Variants in ZNF227 observed in about 807,000 individuals in gnomAD.
ZNF227 encodes the protein zinc finger protein 227.
ZNF227 carries 12 observed loss-of-function variants against 13.2 expected under a neutral mutation model. The ratio of observed to expected loss-of-function variants is 0.91; its 90% CI spans 0.58 to 1.47. The LOEUF (loss-of-function observed/expected upper bound fraction) is 1.47, where lower values mean the gene tolerates loss of function less well. Ranked by LOEUF, ZNF227 falls within the 40% of genes most tolerant of loss-of-function variation. The pLI is 0.00. For missense variants in ZNF227, 885 were observed against 967.5 expected, an observed-to-expected ratio of 0.91 and a Z score of 1.13; for synonymous variants, 338 against 326.0, an observed-to-expected ratio of 1.04 and a Z score of -0.40.
chr19:44,234,094 T>A (rs1428811450), intron 5 of ZNF227, among the ~76,000 whole-genome samples: 5 of 152,174 alleles, frequency 3.3e-5, no homozygotes, highest in African/African-American at 9.7e-5. Context: ...TGTGTTGGCT[T>A]TGAGAGTTTG....
chr19:44,220,786 C>G (rs909112688), intron 3 of ZNF227, among the ~76,000 whole-genome samples: 1 of 152,154 alleles, frequency 6.6e-6, no homozygotes, highest in African/African-American at 2.4e-5. Flanking sequence ...TTAGGTATAT[C>G]TGCTAATGCT....
chr19:44,214,231 A>C (rs997184155), intron 2 of ZNF227, among the ~76,000 whole-genome samples: 8 of 152,164 alleles, frequency 5.3e-5, no homozygotes, highest in Non-Finnish European at 1.2e-4. Flanking sequence ...CAGTGATGTT[A>C]TATTCAGAAA....
At chr19:44,223,730 A>G (rs111290224) in intron 3 of ZNF227, among the ~76,000 whole-genome samples, 1 of 151,712 alleles carries the variant, frequency 6.6e-6, no homozygotes, top group Non-Finnish European at 1.5e-5. Context: ...TGGATTCATT[A>G]ATTTTTTGAA....
chr19:44,221,417 G>C (rs1348218547), intron 3 of ZNF227, among the ~76,000 whole-genome samples: 1 of 152,176 alleles, frequency 6.6e-6, no homozygotes, highest in Non-Finnish European at 1.5e-5. Context: ...ATCCTCTCCA[G>C]CACCTGTTGT....
intron 4 of ZNF227, chr19:44,229,006 T>C (rs2122864441): frequency 5.2e-6 from 1 of 193,208 alleles, no homozygotes; most frequent in East Asian, 1.3e-4. Flanking sequence ...GCTTCTATGC[T>C]TTATCTTTCA....
intron 3 of ZNF227, among the ~76,000 whole-genome samples, chr19:44,226,486 C>A (rs1340348150): frequency 6.6e-6 from 1 of 152,218 alleles, no homozygotes; most frequent in South Asian, 2.1e-4. Flanking sequence ...TGGCAGGCGC[C>A]CTCCCCCAGC....
chr19:44,235,591 G>A lies in ZNF227; in HGVS notation c.1161G>A (p.Lys387=), dbSNP rs774544340. Residue 387 remains lysine (K), a synonymous_variant, in exon 6 of 6, where the codon AAG becomes AAA. Coordinates refer to ENST00000313040, the MANE Select transcript of ZNF227 (RefSeq NM_182490.3). The stretch of plus-strand genomic sequence containing the variant: ...CATACAAATGCGAAGAGTGTGGTAA[G>A]GGCTTCGGTTGGAGTGTTAATCTCC... ...EKPYKCEECG[K]GFGWSVNLRV... 3.1e-6 allele frequency: 5 copies of A among 1,614,182 alleles called. No individual in the cohort carries two copies. The South Asian group carries it at 5.5e-5, about 18-fold the overall frequency.
chr19:44,210,621 G>C (rs1042022029), upstream of ZNF227, among the ~76,000 whole-genome samples: 41 of 152,200 alleles, frequency 2.7e-4, no homozygotes, highest in African/African-American at 9.9e-4. Context: ...GGTTATGACA[G>C]AAGGAACACC....
chr19:44,214,813 G>A (rs375679060), intron 2 of ZNF227, among the ~76,000 whole-genome samples: 11 of 148,662 alleles, frequency 7.4e-5, no homozygotes, highest in African/African-American at 2.7e-4. Flanking sequence ...TTAAATTAGA[G>A]TGTCTTAAAG....
intron 2 of ZNF227, among the ~76,000 whole-genome samples, chr19:44,215,374 T>A (rs973600447): frequency 6.6e-6 from 1 of 151,702 alleles, no homozygotes; most frequent in Non-Finnish European, 1.5e-5. Flanking sequence ...CTCAGTACAG[T>A]ATATCTTTTT....
intron 2 of ZNF227, among the ~76,000 whole-genome samples, chr19:44,217,306 A>G (rs1484978059): frequency 1.3e-5 from 2 of 151,990 alleles, no homozygotes; most frequent in Non-Finnish European, 2.9e-5. Context: ...TTTTGTAACT[A>G]TAAGAGAAAG....
At chr19:44,231,629 C>T (rs1362803309) in intron 5 of ZNF227, among the ~76,000 whole-genome samples, 2 of 152,150 alleles carry the variant, frequency 1.3e-5, no homozygotes, top group Non-Finnish European at 2.9e-5. Context: ...CCATGCTCAG[C>T]CAAAGGGTTT....
In ZNF227 at chr19:44,237,124, A is replaced by G; in HGVS notation, c.*294A>G. The G allele has an allele frequency of 3.8e-6, 1 of 261,816 alleles. No homozygotes were observed. The highest frequency in any genetic ancestry group is 7.2e-6 in the Non-Finnish European group (1 of 139,316). The allele number at this position is 261,816 out of a possible 1,614,324, so 16.2% of individuals were successfully genotyped here. A position where few individuals can be genotyped will look rare whatever the true frequency, so the allele number is the denominator to read the frequency against. ...GATAATGTGTGGAAGGATATTTGCC[A>G]TATGCTAACTGGTTTTTTGGCCAGG... On this transcript the variant is annotated 3_prime_UTR_variant, in exon 6 of 6. Transcript: ENST00000313040.
intron 5 of ZNF227, among the ~76,000 whole-genome samples, chr19:44,231,180 T>C (rs1973795659): frequency 6.6e-6 from 1 of 151,610 alleles, no homozygotes; most frequent in Non-Finnish European, 1.5e-5. Context: ...AGTGGTGCCA[T>C]CTTGGCTCAC....
upstream of ZNF227, chr19:44,212,492 G>C (rs901708992): frequency 2.0e-5 from 3 of 151,648 alleles, no homozygotes; most frequent in Non-Finnish European, 2.9e-5. Flanking sequence ...GCAGGAGCGC[G>C]GGCCTTCTGG....
At chr19:44,233,153 T>C (rs561885585) in intron 5 of ZNF227, among the ~76,000 whole-genome samples, 1 of 152,264 alleles carries the variant, frequency 6.6e-6, no homozygotes, top group South Asian at 2.1e-4. Flanking sequence ...GGCAAATTAT[T>C]TGATTAGGAC....
chr19:44,224,152 G>A (rs544460857), intron 3 of ZNF227, among the ~76,000 whole-genome samples: 48 of 152,254 alleles, frequency 3.2e-4, no homozygotes, highest in African/African-American at 1.1e-3. Flanking sequence ...TATAATTTCT[G>A]TTCTTTTACA....
upstream of ZNF227, among the ~76,000 whole-genome samples, chr19:44,210,662 A>G (rs899917589): frequency 2.6e-5 from 4 of 152,212 alleles, no homozygotes; most frequent in Non-Finnish European, 4.4e-5. Context: ...TTTTTGTAGG[A>G]GTACAAGTAA....
In ZNF227 at chr19:44,236,086, G is replaced by A. The variant is rs892141684; in HGVS notation, c.1656G>A (p.Val552=). 6.2e-7 allele frequency: 1 copy of A among 1,614,000 alleles called. No individual in the cohort carries two copies. The highest frequency in any genetic ancestry group is 8.5e-7 in the Non-Finnish European group (1 of 1,179,962). ...HTGEKPYRCD[V]CGKDFSYSSN... is the part of the protein sequence containing the mutation. ...GAGAGAAACCATATAGATGTGATGT[G>A]TGTGGTAAGGACTTCAGTTATAGTT... The change falls in exon 6 of 6, where the codon GTG becomes GTA. Residue 552 remains valine (V), a synonymous_variant. Transcript: ENST00000313040.
Sources: allele counts gnomAD v4.1 joint callset (sites outside exome capture counted in the v4.1 genomes callset), GRCh38; gene constraint gnomAD v4.1.1; transcripts MANE v1.5; gene names NCBI Gene and HGNC (gene_info 2026-07-23, HGNC 2026-07-21).